SPAG16: variants seen among roughly 807,000 people sequenced by gnomAD.
The protein encoded by SPAG16 is sperm-associated antigen 16 protein.
SPAG16 carries 86 observed loss-of-function variants against 80.4 expected under a neutral mutation model. That is an observed-to-expected ratio of 1.07 (90% CI 0.90 to 1.28). The LOEUF is 1.28. Ranked by LOEUF, SPAG16 falls within the 50% of genes most tolerant of loss-of-function variation. SPAG16 has a pLI of 0.00. For missense variants in SPAG16, 870 were observed against 765.3 expected (o/e 1.14, Z -1.61); for synonymous variants, 294 against 265.9 (o/e 1.11, Z -1.03).
At chr2:213,284,874 A>G (rs1258149008) in intron 1 of SPAG16, 1 of 472,740 alleles carries the variant, frequency 2.1e-6, no homozygotes, top group Non-Finnish European at 3.7e-6. Flanking sequence ...CATACTTAGT[A>G]ACCACTCAGT....
chr2:213,931,813 T>C (rs2078762620), intron 12 of SPAG16, among the ~76,000 whole-genome samples: 1 of 152,100 alleles, frequency 6.6e-6, no homozygotes, highest in Admixed American at 6.6e-5. Flanking sequence ...CCCATCACTG[T>C]CAAGAGTTCA....
intron 10 of SPAG16, among the ~76,000 whole-genome samples, chr2:213,818,962 T>C (rs1157030384): frequency 6.6e-6 from 1 of 152,208 alleles, no homozygotes; most frequent in Non-Finnish European, 1.5e-5. Context: ...GTTTATAAAT[T>C]ACCCAGTCTC....
intron 12 of SPAG16, among the ~76,000 whole-genome samples, chr2:213,960,672 A>G (rs1223363624): frequency 6.6e-6 from 1 of 152,188 alleles, no homozygotes; most frequent in Non-Finnish European, 1.5e-5. Flanking sequence ...TTCAATTGAC[A>G]TGTGTGGTCA....
chr2:214,036,827 G>T (rs1259925098), intron 13 of SPAG16, among the ~76,000 whole-genome samples: 1 of 152,096 alleles, frequency 6.6e-6, no homozygotes, highest in Non-Finnish European at 1.5e-5. Context: ...TCCAACTATG[G>T]TTAGATCTTC....
At chr2:213,916,488 A>C (rs957839809) in intron 11 of SPAG16, among the ~76,000 whole-genome samples, 8 of 152,088 alleles carry the variant, frequency 5.3e-5, no homozygotes, top group African/African-American at 7.2e-5. Flanking sequence ...TGTTTTGATA[A>C]CAGTACCATG....
intron 15 of SPAG16, among the ~76,000 whole-genome samples, chr2:214,273,039 C>G (rs1397768579): frequency 1.3e-5 from 2 of 152,162 alleles, no homozygotes; most frequent in Non-Finnish European, 2.9e-5. Context: ...TCTCTGATGG[C>G]CAGTGATGAT....
chr2:213,535,702 G>A (rs1164457870), intron 10 of SPAG16, among the ~76,000 whole-genome samples: 1 of 152,146 alleles, frequency 6.6e-6, no homozygotes, highest in Non-Finnish European at 1.5e-5. Context: ...GTGCAGGTAT[G>A]TGTAAATGAG....
At chr2:214,354,603 T>G (rs1255491485) in intron 15 of SPAG16, among the ~76,000 whole-genome samples, 2 of 152,154 alleles carry the variant, frequency 1.3e-5, no homozygotes, top group African/African-American at 4.8e-5. Context: ...ATGGCCATTT[T>G]CACGATATTG....
intron 13 of SPAG16, among the ~76,000 whole-genome samples, chr2:214,072,027 T>C (rs779143994): frequency 2.2e-4 from 33 of 152,172 alleles, no homozygotes; most frequent in Non-Finnish European, 4.4e-4. Context: ...AATATCTTAA[T>C]CATAAAAGTC....
At chr2:214,150,423 TAAA>T (rs1263970776) in intron 15 of SPAG16, among the ~76,000 whole-genome samples, 2 of 151,974 alleles carry the variant, frequency 1.3e-5, no homozygotes, top group African/African-American at 4.8e-5. Context: ...CTGCCAGAAT[TAAA>T]AAAAGAAAAC....
At chr2:214,252,311 T>C (rs1244560392) in intron 15 of SPAG16, among the ~76,000 whole-genome samples, 1 of 152,132 alleles carries the variant, frequency 6.6e-6, no homozygotes, top group Non-Finnish European at 1.5e-5. Flanking sequence ...TTTTTATTAT[T>C]ATACTTTAAG....
intron 15 of SPAG16, among the ~76,000 whole-genome samples, chr2:214,319,200 C>CCACACACA (rs61711759): frequency 0.073 from 10,375 of 142,262 alleles, 600 homozygotes; most frequent in East Asian, 0.22. Context: ...CACACACACA[C>CCACACACA]CACACACACA....
chr2:214,341,655 T>C (rs1415030530), intron 15 of SPAG16, among the ~76,000 whole-genome samples: 2 of 152,228 alleles, frequency 1.3e-5, no homozygotes, highest in Non-Finnish European at 2.9e-5. Context: ...GAGAAAATAC[T>C]TTCAATCTAG....
At chr2:213,338,514 A>G (rs546541839) in intron 5 of SPAG16, among the ~76,000 whole-genome samples, 1 of 152,330 alleles carries the variant, frequency 6.6e-6, no homozygotes, top group South Asian at 2.1e-4. Context: ...ATTACTGGGT[A>G]TATACCCAAA....
intron 12 of SPAG16, among the ~76,000 whole-genome samples, chr2:213,968,958 A>G (rs763817445): frequency 2.6e-5 from 4 of 152,236 alleles, no homozygotes; most frequent in Admixed American, 1.3e-4. Flanking sequence ...ATATCCATAC[A>G]AAGAGTCAGA....
chr2:213,676,625 C>T (rs1366795020), intron 10 of SPAG16, among the ~76,000 whole-genome samples: 2 of 152,130 alleles, frequency 1.3e-5, no homozygotes, highest in Non-Finnish European at 2.9e-5. Flanking sequence ...GCCTTTTCTG[C>T]ATCTATTGAG....
At chr2:214,336,604 TG>T (rs1697306801) in intron 15 of SPAG16, among the ~76,000 whole-genome samples, 1 of 152,098 alleles carries the variant, frequency 6.6e-6, no homozygotes, top group Non-Finnish European at 1.5e-5. Flanking sequence ...TTGAATACTT[TG>T]GAGAAGGCTC....
At chr2:214,087,278 C>T (rs1430945190) in intron 13 of SPAG16, among the ~76,000 whole-genome samples, 5 of 152,052 alleles carry the variant, frequency 3.3e-5, no homozygotes, top group Admixed American at 2.6e-4. Context: ...TACAGACACA[C>T]ATATAGTGAC....
At chr2:214,214,579 TA>T (rs2058381034) in intron 15 of SPAG16, among the ~76,000 whole-genome samples, 1 of 152,166 alleles carries the variant, frequency 6.6e-6, no homozygotes, top group Non-Finnish European at 1.5e-5. Flanking sequence ...CCTATTCTTA[TA>T]AATATCAGTT....
Sources: allele counts gnomAD v4.1 joint callset (sites outside exome capture counted in the v4.1 genomes callset), GRCh38; gene constraint gnomAD v4.1.1; transcripts MANE v1.5; gene names NCBI Gene and HGNC (gene_info 2026-07-23, HGNC 2026-07-21).